Variants in VPS13C observed in about 807,000 individuals in gnomAD.
The protein encoded by VPS13C is vacuolar protein sorting 13 homolog C, also known as intermembrane lipid transfer protein VPS13C.
In VPS13C, 358 loss-of-function variants were observed where a neutral mutation model predicts 456.8. The ratio of observed to expected loss-of-function variants is 0.78; its 90% CI spans 0.72 to 0.86. The LOEUF is 0.86. Among genes scored for constraint, VPS13C ranks in the 40% least tolerant of loss-of-function variants. The pLI is 0.00. For missense variants in VPS13C, 4,818 were observed against 4,385.4 expected, an observed-to-expected ratio of 1.10 and a Z score of -2.79; for synonymous variants, 1,578 against 1,486.7, an observed-to-expected ratio of 1.06 and a Z score of -1.41.
Position 61,915,903 on chromosome 15 carries a change from T to C in VPS13C, c.8175A>G (p.Gly2725=), listed in dbSNP as rs759594576. The C allele has an allele frequency of 1.2e-6, 2 of 1,613,938 alleles. No homozygotes were observed. The highest frequency in any genetic ancestry group is 1.7e-5 in the Admixed American group (1 of 59,966). The change falls in exon 61 of 85, where the codon GGA becomes GGG. Residue 2725 remains glycine, a synonymous_variant. Transcript: ENST00000644861. ...LVKYQGKNWN[G]HFRIRDTLPE... ...GTAGTGTATCACGTATGCGGAAATG[T>C]CCATTCCAGTTTTTGCCCTGGTATT...
chr15:61,978,571 T>C, intron 23 of VPS13C, 55 bp downstream of exon 23: 1 of 1,581,500 alleles, frequency 6.3e-7, no homozygotes, highest in South Asian at 1.2e-5. Flanking sequence ...TACACGTATA[T>C]TACACAAACT....
intron 67 of VPS13C, among the ~76,000 whole-genome samples, chr15:61,889,874 AACAC>A (rs10689074): frequency 2.7e-5 from 4 of 150,654 alleles, no homozygotes; most frequent in Admixed American, 2.6e-4. Context: ...TAACTCATTA[AACAC>A]ACACACACAC....
chr15:61,946,266 G>A (rs763158668), intron 44 of VPS13C, 41 bp downstream of exon 44: 1 of 1,459,352 alleles, frequency 6.9e-7, no homozygotes, highest in Admixed American at 2.0e-5. Flanking sequence ...AAATCCAAAA[G>A]GCAAAATAAA....
Position 61,898,613 on chromosome 15 carries a change from G to C in VPS13C, c.9106-8213C>G, listed in dbSNP as rs1298250124. Among the ~76,000 whole-genome samples, 6 of 149,898 alleles carry C rather than the reference G, an allele frequency of 4.0e-5. No individual in the cohort carries two copies. The South Asian group carries it at 6.4e-4, about 16-fold the overall frequency. ...CCCAGATTCATAAAGCAAGTCCTGAGTGACCTACAAAGAGACTTAGACTCC... is the reference window on the plus strand; with the variant it reads ...CCCAGATTCATAAAGCAAGTCCTGACTGACCTACAAAGAGACTTAGACTCC... On this transcript the variant is annotated intron_variant, in intron 66 of 84. Coordinates refer to ENST00000644861, the MANE Select transcript of VPS13C (RefSeq NM_020821.3).
chr15:62,026,252 A>C (rs982870796), intron 6 of VPS13C, among the ~76,000 whole-genome samples: 1 of 151,776 alleles, frequency 6.6e-6, no homozygotes. Flanking sequence ...AATCAAAATC[A>C]ATTAGTCCTT....
At chr15:61,964,565 C>A in intron 31 of VPS13C, 134 bp downstream of exon 31, 2 of 825,726 alleles carry the variant, frequency 2.4e-6, no homozygotes, top group South Asian at 4.1e-5. Flanking sequence ...ATCAGGTGCT[C>A]GCATATAATT....
At position 61,913,379 on chromosome 15, in the gene VPS13C, T is replaced by C; in HGVS notation, c.8482A>G (p.Ser2828Gly). The C allele has an allele frequency of 2.5e-6, 4 of 1,614,086 alleles. No individual in the cohort carries two copies. The highest frequency in any genetic ancestry group is 3.4e-6 in the Non-Finnish European group (4 of 1,179,978). The part of the protein sequence containing the change: ...LKISTSAWSS[S>G]FSLDTVGSYG... ...CTTCCCACTGTATCCAATGAGAAAC[T>C]ACTGGACCAGGCACTGGTTGAAATT... The change falls in exon 62 of 85, where the codon AGT becomes GGT. Residue 2828 changes from serine to glycine, a missense_variant. Transcript: ENST00000644861.
rs564066481 is a variant in VPS13C at position 61,915,130 on chromosome 15, A to G, written c.8445+503T>C. ...TGTAGGCAAAGGGTGCAGCATATACAAAAGCCTAGAGGTGAGTCCTTGGGG... is the reference window on the plus strand; with the variant it reads ...TGTAGGCAAAGGGTGCAGCATATACGAAAGCCTAGAGGTGAGTCCTTGGGG... On this transcript the variant is annotated intron_variant, in intron 61 of 84. Coordinates refer to ENST00000644861, the MANE Select transcript of VPS13C (RefSeq NM_020821.3). 2.0e-5 allele frequency among the ~76,000 whole-genome samples: 3 copies of G among 152,242 alleles called. No individual in the cohort carries two copies. The East Asian group carries it at 5.8e-4, about 29-fold the overall frequency.
intron 83 of VPS13C, 75 bp from the exon 84 acceptor site, chr15:61,855,029 C>A: frequency 8.4e-7 from 1 of 1,196,802 alleles, no homozygotes; most frequent in Non-Finnish European, 1.2e-6. Context: ...TAATTGTATA[C>A]TTAAATGTCA....
At position 61,913,402 on chromosome 15, in the gene VPS13C, A is replaced by G. The variant is rs2043361093; in HGVS notation, c.8459T>C (p.Ile2820Thr). The G allele has an allele frequency of 1.2e-6, 2 of 1,613,828 alleles. No individual in the cohort carries two copies. Among genetic ancestry groups the G allele is most frequent in the Non-Finnish European group, 8.5e-7 (1 of 1,179,870 alleles). Reference sequence around the variant, plus strand: ...ACTACTGGACCAGGCACTGGTTGAAATTTTTAATTGTACCTATACCAGAGA... The same window carrying G: ...ACTACTGGACCAGGCACTGGTTGAAGTTTTTAATTGTACCTATACCAGAGA... ...IFTKNKVQLK[I>T]STSAWSSSFS... Residue 2820 changes from isoleucine to threonine, a missense_variant, in exon 62 of 85, where the codon ATT becomes ACT. By Grantham distance (89) the Ile-to-Thr change is moderately conservative (BLOSUM62 -1). Coordinates refer to ENST00000644861, the MANE Select transcript of VPS13C (RefSeq NM_020821.3).
intron 6 of VPS13C, 127 bp downstream of exon 6, chr15:62,028,231 G>A: frequency 1.1e-6 from 1 of 946,136 alleles, no homozygotes; most frequent in South Asian, 1.5e-5. Context: ...GGTAGAGGGG[G>A]AAAACAAAAA....
Position 61,913,326 on chromosome 15 carries a change from G to A in VPS13C, c.8535C>T (p.Asn2845=). The A allele has an allele frequency of 6.2e-7, 1 of 1,613,996 alleles. No individual in the cohort carries two copies. The highest frequency in any genetic ancestry group is 8.5e-7 in the Non-Finnish European group (1 of 1,179,904). The change falls in exon 62 of 85, where the codon AAC becomes AAT. Residue 2845 remains asparagine (N), a synonymous_variant. Coordinates refer to ENST00000644861, the MANE Select transcript of VPS13C (RefSeq NM_020821.3). Reference sequence around the variant, plus strand: ...AGAATCTTACCAGGTACTCCATATTGTTGGCAGGACACTTCACACACCCAT... The same window carrying A: ...AGAATCTTACCAGGTACTCCATATTATTGGCAGGACACTTCACACACCCAT... ...GSYGCVKCPA[N]NMEYLVGVSI...
chr15:61,872,002 TG>T lies in VPS13C; in HGVS notation c.10610del (p.Thr3537LysfsTer35). 1 of 1,612,650 alleles carries T rather than the reference TG, an allele frequency of 6.2e-7. No individual in the cohort carries two copies. The highest frequency in any genetic ancestry group is 8.5e-7 in the Non-Finnish European group (1 of 1,179,206). On this transcript the variant is annotated frameshift_variant, in exon 79 of 85. Transcript: ENST00000644861. LOFTEE classifies it high-confidence loss of function. ...GVVGGVTGII[T>X]KPVEGAKKEG... ...TTTTCAACATACCTTCCACAGGTTTTGTTATTATTCCAGTCACTCCACCAAC... is the reference window on the plus strand; with the variant it reads ...TTTTCAACATACCTTCCACAGGTTTTTTATTATTCCAGTCACTCCACCAAC...
At chr15:61,967,522 TA>T (rs1760485529) in intron 28 of VPS13C, 75 bp from the exon 29 acceptor site, 8 of 1,186,830 alleles carry the variant, frequency 6.7e-6, no homozygotes, top group African/African-American at 1.6e-5. Flanking sequence ...TTTAGATTTT[TA>T]AAAATTTGTT....
At position 61,922,026 on chromosome 15, in the gene VPS13C, T is replaced by C. The variant is rs769397645; in HGVS notation, c.6983A>G (p.Tyr2328Cys). ...AVADVTLQVH[Y>C]YNEIHAVWEP... ...CCAGACAGCATGGATCTCATTGTAA[T>C]AGTGCACCTGGAAAGATACACACAA... Residue 2328 changes from tyrosine to cysteine, a missense_variant, in exon 55 of 85, where the codon TAT becomes TGT. By Grantham distance (194) the Tyr-to-Cys change is radical (BLOSUM62 -2). Coordinates refer to ENST00000644861, the MANE Select transcript of VPS13C (RefSeq NM_020821.3). 4.3e-6 allele frequency: 7 copies of C among 1,613,556 alleles called. No individual in the cohort carries two copies. The Admixed American group carries it at 5.0e-5, about 12-fold the overall frequency.
At chr15:61,874,808 TC>T in intron 77 of VPS13C, 67 bp downstream of exon 77, 2 of 1,376,628 alleles carry the variant, frequency 1.5e-6, no homozygotes, top group Non-Finnish European at 2.0e-6. Flanking sequence ...CATTTGTTTT[TC>T]ATAACAACGT....
intron 19 of VPS13C, 30 bp from the exon 20 acceptor site, chr15:61,984,042 G>T (rs372062946): frequency 5.7e-6 from 9 of 1,587,660 alleles, no homozygotes; most frequent in African/African-American, 1.4e-5. Context: ...AAGGAAAGAT[G>T]CAGACAAGGT....
At chr15:62,031,788 T>C (rs1229346000) in intron 5 of VPS13C, among the ~76,000 whole-genome samples, 1 of 151,938 alleles carries the variant, frequency 6.6e-6, no homozygotes, top group African/African-American at 2.4e-5. Flanking sequence ...CCATTCATAA[T>C]AGCCTCTTTG....
intron 15 of VPS13C, 23 bp from the exon 16 acceptor site, chr15:62,000,649 T>A (rs765695752): frequency 5.1e-6 from 8 of 1,576,444 alleles, no homozygotes; most frequent in Non-Finnish European, 6.0e-6. Flanking sequence ...GAGGCACTTA[T>A]AAACAAGAAA....
Sources: allele counts gnomAD v4.1 joint callset (sites outside exome capture counted in the v4.1 genomes callset), GRCh38; gene constraint gnomAD v4.1.1; transcripts MANE v1.5; gene names NCBI Gene and HGNC (gene_info 2026-07-23, HGNC 2026-07-21).